Variants in REDIC1 observed in about 807,000 individuals in gnomAD.
The protein encoded by REDIC1 is HEI10 Interacting Protein 1.
chr12:39,879,084 C>T, the REDIC1 span, among the ~76,000 whole-genome samples: 24 of 152,390 alleles, frequency 1.6e-4, no homozygotes, highest in African/African-American at 5.5e-4. Context: ...GCCTTGCTGT[C>T]TTCTACATGG....
chr12:39,715,140 G>T, the REDIC1 span, among the ~76,000 whole-genome samples: 2 of 151,852 alleles, frequency 1.3e-5, no homozygotes, highest in African/African-American at 2.4e-5. Flanking sequence ...CCTTGCCTAA[G>T]CCAATGTCTA....
At chr12:39,696,561 AAAAAAAAAAAAAAAAAAAAT>A in the REDIC1 span, among the ~76,000 whole-genome samples, 114 of 142,608 alleles carry the variant, frequency 8.0e-4, 1 homozygote, top group African/African-American at 2.8e-3. Flanking sequence ...AAAAAAAAAA[AAAAAAAAAAAAAAAAAAAAT>A]AACGCACCAA....
the REDIC1 span, among the ~76,000 whole-genome samples, chr12:39,663,036 G>T: frequency 1.3e-5 from 2 of 151,888 alleles, no homozygotes; most frequent in East Asian, 3.8e-4. Context: ...CTAGTGTATT[G>T]TTGAGGATTT....
At chr12:39,721,987 C>G in the REDIC1 span, 7 of 151,966 alleles carry the variant, frequency 4.6e-5, no homozygotes, top group Non-Finnish European at 1.0e-4. Flanking sequence ...GGCTTTGTTT[C>G]TAAGACAACA....
At chr12:39,640,250 T>G in the REDIC1 span, among the ~76,000 whole-genome samples, 1 of 151,800 alleles carries the variant, frequency 6.6e-6, no homozygotes, top group South Asian at 2.1e-4. Flanking sequence ...TAGAGTCAGC[T>G]CACCCCTTTT....
At chr12:39,745,171 C>G in the REDIC1 span, among the ~76,000 whole-genome samples, 4 of 152,172 alleles carry the variant, frequency 2.6e-5, no homozygotes, top group African/African-American at 9.6e-5. Flanking sequence ...CTGATTCTTT[C>G]ACATTTGCCT....
the REDIC1 span, among the ~76,000 whole-genome samples, chr12:39,707,795 T>A: frequency 6.6e-6 from 1 of 151,860 alleles, no homozygotes; most frequent in African/African-American, 2.4e-5. Context: ...TCATATAACC[T>A]TTAAAATCAA....
At chr12:39,691,371 A>G in the REDIC1 span, among the ~76,000 whole-genome samples, 3 of 152,284 alleles carry the variant, frequency 2.0e-5, no homozygotes, top group East Asian at 5.8e-4. Context: ...AAAAATTTTT[A>G]TAAGCCCATG....
the REDIC1 span, among the ~76,000 whole-genome samples, chr12:39,746,975 A>C: frequency 6.6e-6 from 1 of 152,302 alleles, no homozygotes; most frequent in South Asian, 2.1e-4. Flanking sequence ...AAAGATGGGG[A>C]AAAAACAAAG....
At chr12:39,785,665 A>G in the REDIC1 span, among the ~76,000 whole-genome samples, 5,137 of 152,208 alleles carry the variant, frequency 0.034, 305 homozygotes, top group African/African-American at 0.12. Flanking sequence ...AAAGCCACAG[A>G]CACTCAACGC....
At chr12:39,736,118 G>A in the REDIC1 span, among the ~76,000 whole-genome samples, 1 of 152,212 alleles carries the variant, frequency 6.6e-6, no homozygotes, top group Non-Finnish European at 1.5e-5. Context: ...GAGGAACTAT[G>A]AGCTCAGAGC....
At chr12:39,795,756 C>T in the REDIC1 span, among the ~76,000 whole-genome samples, 3 of 152,136 alleles carry the variant, frequency 2.0e-5, 1 homozygote, top group African/African-American at 2.4e-5. Flanking sequence ...CACATAAGGG[C>T]TGACTTCTGA....
At chr12:39,728,269 G>T in the REDIC1 span, among the ~76,000 whole-genome samples, 1 of 152,122 alleles carries the variant, frequency 6.6e-6, no homozygotes. Flanking sequence ...GTATGATATT[G>T]GCTGTGGGTT....
At chr12:39,666,679 G>A in the REDIC1 span, among the ~76,000 whole-genome samples, 12 of 152,138 alleles carry the variant, frequency 7.9e-5, no homozygotes, top group Admixed American at 7.9e-4. Flanking sequence ...GAATTCGGCT[G>A]TGAATCCATC....
the REDIC1 span, among the ~76,000 whole-genome samples, chr12:39,877,301 G>T: frequency 1.3e-5 from 2 of 152,090 alleles, no homozygotes; most frequent in African/African-American, 4.8e-5. Flanking sequence ...TGTCTTACAC[G>T]GTGGCAGGCA....
At chr12:39,838,755 T>C in the REDIC1 span, among the ~76,000 whole-genome samples, 2 of 152,016 alleles carry the variant, frequency 1.3e-5, no homozygotes, top group Non-Finnish European at 2.9e-5. Context: ...GCTCAGAAAA[T>C]CTTTTAAAAA....
chr12:39,897,411 G>A, the REDIC1 span, among the ~76,000 whole-genome samples: 3 of 152,168 alleles, frequency 2.0e-5, no homozygotes, highest in Non-Finnish European at 4.4e-5. Context: ...CCCCAAGCAT[G>A]CAGAAAAAAG....
chr12:39,750,753 T>C, the REDIC1 span, among the ~76,000 whole-genome samples: 1 of 152,008 alleles, frequency 6.6e-6, no homozygotes, highest in African/African-American at 2.4e-5. Flanking sequence ...TCAGAAATAA[T>C]GCCACACATC....
chr12:39,732,263 G>C, the REDIC1 span, among the ~76,000 whole-genome samples: 10 of 152,058 alleles, frequency 6.6e-5, no homozygotes, highest in African/African-American at 2.2e-4. Flanking sequence ...GATTTTCATA[G>C]TCATGGTTTT....
Sources: allele counts gnomAD v4.1 joint callset (sites outside exome capture counted in the v4.1 genomes callset), GRCh38; gene constraint gnomAD v4.1.1; transcripts MANE v1.5; gene names NCBI Gene and HGNC (gene_info 2026-07-23, HGNC 2026-07-21).